CAPN9: variants seen among roughly 807,000 people sequenced by gnomAD.
CAPN9 encodes the protein calpain 9.
A neutral mutation model predicts 92.8 loss-of-function variants in CAPN9; 81 were observed. The ratio of observed to expected loss-of-function variants is 0.87; its 90% CI spans 0.73 to 1.05. CAPN9 has a LOEUF of 1.05. CAPN9 is among the 50% of genes least tolerant of loss of function. The probability of loss-of-function intolerance (pLI) is 0.00; values close to 1 mark genes in which losing one functional copy is unlikely to be tolerated. For synonymous variants in CAPN9, 304 were observed against 328.0 expected (o/e 0.93, Z 0.79); for missense variants, 848 against 866.2 (o/e 0.98, Z 0.26).
intron 6 of CAPN9, 67 bp from the exon 7 acceptor site, chr1:230,771,947 A>T: frequency 7.6e-7 from 1 of 1,308,078 alleles, no homozygotes; most frequent in Non-Finnish European, 1.1e-6. Flanking sequence ...TGGAGCTCAT[A>T]GATGAATGTG....
intron 19 of CAPN9, among the ~76,000 whole-genome samples, chr1:230,798,671 G>A (rs1668499715): frequency 6.6e-6 from 1 of 152,172 alleles, no homozygotes; most frequent in Non-Finnish European, 1.5e-5. Flanking sequence ...GGCCATTGTA[G>A]CAATGACGGG....
chr1:230,770,205 T>C (rs1666301270), intron 6 of CAPN9, among the ~76,000 whole-genome samples: 1 of 151,980 alleles, frequency 6.6e-6, no homozygotes, highest in South Asian at 2.1e-4. Context: ...AGTGGTGTAG[T>C]TCTGGTCTGA....
At chr1:230,751,592 AGAAAGAAAGAAAGAAAGAG>A (rs1247815964) in intron 1 of CAPN9, among the ~76,000 whole-genome samples, 5 of 16,822 alleles carry the variant, frequency 3.0e-4, no homozygotes, top group African/African-American at 1.4e-3. Context: ...AAACAAAGAA[AGAAAGAAAGAAAGAAAGAG>A]AAAGAAAGAA....
At chr1:230,785,116 A>G (rs934568106) in intron 11 of CAPN9, among the ~76,000 whole-genome samples, 2 of 152,196 alleles carry the variant, frequency 1.3e-5, no homozygotes, top group Admixed American at 1.3e-4. Context: ...TGGAATGGGA[A>G]TGTTTACCCA....
intron 18 of CAPN9, among the ~76,000 whole-genome samples, chr1:230,796,207 C>T (rs1298892738): frequency 6.6e-6 from 1 of 151,666 alleles, no homozygotes; most frequent in Non-Finnish European, 1.5e-5. Flanking sequence ...CACCTGTAAT[C>T]CCAGCTACTC....
chr1:230,750,840 TGGCTGGGAGG>T (rs1054216133), intron 1 of CAPN9, among the ~76,000 whole-genome samples: 2 of 152,046 alleles, frequency 1.3e-5, no homozygotes, highest in African/African-American at 2.4e-5. Context: ...CTCAGGGAAC[TGGCTGGGAGG>T]GGCTGGGAGG....
At chr1:230,748,050 T>C (rs528064626) in intron 1 of CAPN9, among the ~76,000 whole-genome samples, 1 of 152,312 alleles carries the variant, frequency 6.6e-6, no homozygotes, top group South Asian at 2.1e-4. Context: ...GCCCCCACCC[T>C]GTGTGTGGTA....
rs1666089095 is a variant in CAPN9, at chr1:230,767,792, G to A, written c.705+83G>A. On this transcript the variant is annotated intron_variant, in intron 5 of 19. Transcript: ENST00000271971. ...CAGGCACTATGCTGGGGCTGTACCA[G>A]GTACCCCAGCCACACCCAAGGAGGG... 3.0e-6 allele frequency: 4 copies of A among 1,320,998 alleles called. No individual in the cohort carries two copies. The Admixed American group carries it at 6.7e-5, about 22-fold the overall frequency. 81.8% of individuals were successfully genotyped at this position (1,320,998 alleles called of 1,614,324 possible). A position where few individuals can be genotyped will look rare whatever the true frequency, so the allele number is the denominator to read the frequency against.
At chr1:230,785,869 A>G in intron 11 of CAPN9, 112 bp from the exon 12 acceptor site, 2 of 1,005,262 alleles carry the variant, frequency 2.0e-6, no homozygotes, top group Non-Finnish European at 3.2e-6. Context: ...AGCACTGAAC[A>G]ATAAGGGATT....
At chr1:230,749,419 C>A (rs952938053) in intron 1 of CAPN9, among the ~76,000 whole-genome samples, 3 of 152,232 alleles carry the variant, frequency 2.0e-5, no homozygotes, top group African/African-American at 7.2e-5. Flanking sequence ...ATTAGGTCTC[C>A]CTGGGCTTAT....
chr1:230,788,960 T>A (rs935790356), intron 13 of CAPN9, among the ~76,000 whole-genome samples: 1 of 152,166 alleles, frequency 6.6e-6, no homozygotes, highest in Non-Finnish European at 1.5e-5. Flanking sequence ...AGTTCAGCCC[T>A]CCTTGACTCA....
chr1:230,748,395 G>A (rs779574218), intron 1 of CAPN9, among the ~76,000 whole-genome samples: 32 of 152,192 alleles, frequency 2.1e-4, no homozygotes, highest in Non-Finnish European at 4.1e-4. Context: ...CGCCAGCTGG[G>A]CTGGCTTCCA....
chr1:230,798,825 G>A (rs1668510088), intron 19 of CAPN9, among the ~76,000 whole-genome samples: 1 of 152,184 alleles, frequency 6.6e-6, no homozygotes, highest in Non-Finnish European at 1.5e-5. Flanking sequence ...CATCACTTAG[G>A]AGAGAGCGTT....
rs1666114429 is a variant in CAPN9 at position 230,768,045 on chromosome 1, TAAA to T, written c.705+337_705+339del. ...ATAAATAAATAAATAAATAAATAAATAAATAAATAAAAAATAAAATAAAATAAA... is the reference window on the plus strand; with the variant it reads ...ATAAATAAATAAATAAATAAATAAATTAAATAAAAAATAAAATAAAATAAA... On this transcript the variant is annotated intron_variant, in intron 5 of 19. Transcript: ENST00000271971. Among the ~76,000 whole-genome samples the T allele has an allele frequency of 2.4e-5, 3 of 123,276 alleles. No individual in the cohort carries two copies. The East Asian group carries it at 7.0e-4, about 29-fold the overall frequency. 80.9% of individuals were successfully genotyped at this position (123,276 alleles called of 152,430 possible).
chr1:230,772,597 C>G (rs1666460246), intron 7 of CAPN9, among the ~76,000 whole-genome samples: 1 of 152,130 alleles, frequency 6.6e-6, no homozygotes, highest in Non-Finnish European at 1.5e-5. Flanking sequence ...AGAAGTGAGG[C>G]TGAGCATGGT....
chr1:230,761,183 A>G (rs1027090546), intron 3 of CAPN9, among the ~76,000 whole-genome samples: 1 of 152,040 alleles, frequency 6.6e-6, no homozygotes, highest in African/African-American at 2.4e-5. Flanking sequence ...CCGCAATAAC[A>G]ATACTCCGCC....
Position 230,767,728 on chromosome 1 carries a change from C to T in CAPN9, c.705+19C>T. The T allele has an allele frequency of 3.7e-6, 6 of 1,609,220 alleles. No homozygotes were observed. Among genetic ancestry groups the T allele is most frequent in the East Asian group, 2.2e-5 (1 of 44,782 alleles). On this transcript the variant is annotated intron_variant, in intron 5 of 19. Coordinates refer to ENST00000271971, the MANE Select transcript of CAPN9 (RefSeq NM_006615.3). ...CATTGATGTAAGTTGCTCATGGGCTCCCATTCCAGGCACTATGCTGGGGCT... is the reference window on the plus strand; with the variant it reads ...CATTGATGTAAGTTGCTCATGGGCTTCCATTCCAGGCACTATGCTGGGGCT...
At chr1:230,755,464 G>A in intron 2 of CAPN9, 58 bp downstream of exon 2, 1 of 1,358,214 alleles carries the variant, frequency 7.4e-7, no homozygotes, top group Non-Finnish European at 1.0e-6. Context: ...GGACAGGCAA[G>A]CAACTGCAGC....
At chr1:230,772,663 G>C (rs1275869374) in intron 7 of CAPN9, among the ~76,000 whole-genome samples, 1 of 151,728 alleles carries the variant, frequency 6.6e-6, no homozygotes, top group African/African-American at 2.4e-5. Context: ...GATCACTTGA[G>C]TATGAGAGAT....
Sources: allele counts gnomAD v4.1 joint callset (sites outside exome capture counted in the v4.1 genomes callset), GRCh38; gene constraint gnomAD v4.1.1; transcripts MANE v1.5; gene names NCBI Gene and HGNC (gene_info 2026-07-23, HGNC 2026-07-21).